The following RYR3 variants were observed in gnomAD, a reference collection of about 807,000 sequenced individuals.
The protein encoded by RYR3 is ryanodine receptor 3.
Under a neutral mutation model 584.3 loss-of-function variants are expected in RYR3, and 207 were observed. The ratio of observed to expected loss-of-function variants is 0.35; its 90% CI spans 0.32 to 0.40. RYR3 has a LOEUF of 0.40. RYR3 is among the 10% of genes least tolerant of loss of function. The probability of loss-of-function intolerance (pLI) is 1.00; values close to 1 mark genes in which losing one functional copy is unlikely to be tolerated. For synonymous variants in RYR3, 2,416 were observed against 2,248.5 expected, an observed-to-expected ratio of 1.07 and a Z score of -2.11; for missense variants, 5,616 against 6,089.2, an observed-to-expected ratio of 0.92 and a Z score of 2.59.
At chr15:33,423,846 T>G (rs1348506039) in intron 1 of RYR3, among the ~76,000 whole-genome samples, 1 of 152,230 alleles carries the variant, frequency 6.6e-6, no homozygotes, top group African/African-American at 2.4e-5. Context: ...ATTATAGACT[T>G]TTATTTCCAA....
chr15:33,423,428 C>T lies in RYR3; in HGVS notation c.52-49991C>T, dbSNP rs78099298. 5.8e-3 allele frequency among the ~76,000 whole-genome samples: 880 copies of T among 152,142 alleles called. 9 individuals carry two copies. Among genetic ancestry groups the T allele is most frequent in the African/African-American group, 0.02 (836 of 41,530 alleles). On this transcript the variant is annotated intron_variant, in intron 1 of 103. Transcript: ENST00000634891. ...TGTTGACAGACACTTTGATTGTTTC[C>T]ACCTTAGGTTATTGTGAATTGGCCT...
At chr15:33,863,965 G>C (rs1185587110) in intron 102 of RYR3, among the ~76,000 whole-genome samples, 173 bp from the exon 103 acceptor site, 2 of 152,162 alleles carry the variant, frequency 1.3e-5, no homozygotes, top group African/African-American at 4.8e-5. Context: ...ATTCATGTGT[G>C]CTACTATTAG....
At chr15:33,818,779 G>T in intron 76 of RYR3, 95 bp downstream of exon 76, 1 of 872,848 alleles carries the variant, frequency 1.1e-6, no homozygotes. Flanking sequence ...GGTGGAAAAG[G>T]GAAGCTAGAT....
chr15:33,735,681 T>G (rs754264691), intron 48 of RYR3, among the ~76,000 whole-genome samples: 1 of 152,260 alleles, frequency 6.6e-6, no homozygotes, highest in Admixed American at 6.5e-5. Context: ...TGATAGATTA[T>G]TCTTTAAATA....
rs113369716 is a variant in RYR3 at position 33,518,284 on chromosome 15, A to C, written c.280-12308A>C. On this transcript the variant is annotated intron_variant, in intron 3 of 103. Transcript: ENST00000634891. ...CAGCAGCAACATTCTTTTCGGTGCCAAGTTGTCACATTACATTAATGGTAA... is the reference window on the plus strand; with the variant it reads ...CAGCAGCAACATTCTTTTCGGTGCCCAGTTGTCACATTACATTAATGGTAA... Among the ~76,000 whole-genome samples the C allele has an allele frequency of 3.9e-5, 6 of 152,358 alleles. 1 individual carries two copies. The highest frequency in any genetic ancestry group is 1.4e-4 in the African/African-American group (6 of 41,576).
At chr15:33,862,908 C>A (rs1309512786) in intron 102 of RYR3, among the ~76,000 whole-genome samples, 6 of 152,258 alleles carry the variant, frequency 3.9e-5, no homozygotes, top group African/African-American at 1.4e-4. Context: ...TGAGCCATCA[C>A]ACCCGGCCTC....
intron 49 of RYR3, among the ~76,000 whole-genome samples, chr15:33,737,570 G>C (rs1444063827): frequency 6.6e-6 from 1 of 152,104 alleles, no homozygotes; most frequent in Non-Finnish European, 1.5e-5. Flanking sequence ...TCAATCCCCT[G>C]TCTTCATGCC....
At chr15:33,511,434 G>A (rs2052993206) in intron 3 of RYR3, among the ~76,000 whole-genome samples, 1 of 150,294 alleles carries the variant, frequency 6.7e-6, no homozygotes, top group Non-Finnish European at 1.5e-5. Context: ...TCCATTTACT[G>A]TTTTGTTTTT....
At chr15:33,522,018 C>T (rs2054023055) in intron 3 of RYR3, among the ~76,000 whole-genome samples, 1 of 151,034 alleles carries the variant, frequency 6.6e-6, no homozygotes, top group South Asian at 2.1e-4. Context: ...CTTTGGGAGG[C>T]CGAGGCAGGC....
At chr15:33,628,441 G>T (rs564920252) in intron 20 of RYR3, 30 bp from the exon 21 acceptor site, 2 of 1,470,638 alleles carry the variant, frequency 1.4e-6, no homozygotes, top group South Asian at 1.1e-5. Context: ...CAAAACAATC[G>T]ATTCTTTTCA....
chr15:33,558,271 G>C (rs7179429), intron 10 of RYR3, among the ~76,000 whole-genome samples: 20 of 138,728 alleles, frequency 1.4e-4, no homozygotes, highest in East Asian at 7.2e-4. Context: ...AACAGGCCCC[G>C]GTGTGTGATG....
chr15:33,574,986 C>G (rs893352110), intron 12 of RYR3, among the ~76,000 whole-genome samples: 8 of 152,114 alleles, frequency 5.3e-5, no homozygotes, highest in African/African-American at 1.9e-4. Flanking sequence ...ATCTTAGTTT[C>G]TGACAAGACA....
intron 1 of RYR3, among the ~76,000 whole-genome samples, chr15:33,466,498 C>T (rs1233682275): frequency 6.6e-6 from 1 of 152,110 alleles, no homozygotes; most frequent in Admixed American, 6.6e-5. Context: ...ATAAGAAGTA[C>T]TAAAGGGATA....
chr15:33,359,129 G>C (rs992021758), intron 1 of RYR3, among the ~76,000 whole-genome samples: 7 of 152,118 alleles, frequency 4.6e-5, no homozygotes, highest in African/African-American at 1.7e-4. Context: ...CGGTGTGATA[G>C]TCTCATAACT....
chr15:33,326,148 T>G (rs563386457), intron 1 of RYR3, among the ~76,000 whole-genome samples: 1 of 152,262 alleles, frequency 6.6e-6, no homozygotes, highest in South Asian at 2.1e-4. Context: ...TGTTTTTTGT[T>G]TTCCCCAATG....
At chr15:33,809,310 C>T (rs2152942014) in intron 70 of RYR3, among the ~76,000 whole-genome samples, 1 of 152,306 alleles carries the variant, frequency 6.6e-6, no homozygotes. Context: ...TCCATGGTAC[C>T]TCATAGCGTA....
chr15:33,731,325 G>T, intron 47 of RYR3, 149 bp from the exon 48 acceptor site: 2 of 536,904 alleles, frequency 3.7e-6, no homozygotes, highest in Non-Finnish European at 6.7e-6. Flanking sequence ...AAATAGAACT[G>T]CCGATAAGGT....
chr15:33,764,650 G>A (rs900201595), intron 60 of RYR3, among the ~76,000 whole-genome samples: 1 of 151,916 alleles, frequency 6.6e-6, no homozygotes, highest in Non-Finnish European at 1.5e-5. Context: ...TGAAGCTTGG[G>A]GAAAGTGAAC....
intron 74 of RYR3, among the ~76,000 whole-genome samples, chr15:33,815,655 C>CTGTA (rs1421868374): frequency 1.3e-5 from 2 of 152,144 alleles, no homozygotes; most frequent in Admixed American, 6.5e-5. Flanking sequence ...GCATGGAGGA[C>CTGTA]TGTAAGTAGA....
Sources: gnomAD v4.1 joint callset for allele counts (sites outside exome capture counted in the v4.1 genomes callset) on GRCh38, gnomAD v4.1.1 for gene constraint, MANE v1.5 for transcripts, NCBI Gene and HGNC (gene_info 2026-07-23, HGNC 2026-07-21) for gene names.